The following RBPJ variants were observed in gnomAD, a reference collection of about 807,000 sequenced individuals.
The protein encoded by RBPJ is recombination signal binding protein for immunoglobulin kappa J region.
A neutral mutation model predicts 67.8 loss-of-function variants in RBPJ; 9 were observed. That is an observed-to-expected ratio of 0.13 (90% CI 0.08 to 0.23). RBPJ has a LOEUF of 0.23. RBPJ is among the 10% of genes least tolerant of loss of function. The probability of loss-of-function intolerance (pLI) is 1.00; values close to 1 mark genes in which losing one functional copy is unlikely to be tolerated. For synonymous variants in RBPJ, 198 were observed against 203.3 expected (o/e 0.97, Z 0.22); for missense variants, 305 against 595.6 (o/e 0.51, Z 5.08).
chr4:26,329,304 T>G (rs980727500), intron 1 of RBPJ, among the ~76,000 whole-genome samples: 1 of 152,050 alleles, frequency 6.6e-6, no homozygotes, highest in Non-Finnish European at 1.5e-5. Context: ...CATTGAGGGT[T>G]TTAAGATGAG....
rs1181695025 is a variant in RBPJ, at chr4:26,431,212, G to GAAAAAA, written c.*209_*214dup. 1 of 266,108 alleles carries GAAAAAA rather than the reference G, an allele frequency of 3.8e-6. No individual in the cohort carries two copies. Among genetic ancestry groups the GAAAAAA allele is most frequent in the African/African-American group, 3.5e-5 (1 of 28,690 alleles). The allele number at this position is 266,108 out of a possible 1,614,324, so 16.5% of individuals were successfully genotyped here. The stretch of plus-strand genomic sequence containing the variant: ...AAAAAAAAAAAAAAAAAAAAAAAAA[G>GAAAAAA]AAAAAAAAATCAAAATGTATAAATA... On this transcript the variant is annotated 3_prime_UTR_variant, in exon 11 of 11. Coordinates refer to ENST00000355476, the MANE Select transcript of RBPJ (RefSeq NM_015874.6).
At chr4:26,420,899 G>T in intron 5 of RBPJ, 174 bp downstream of exon 5, 1 of 555,500 alleles carries the variant, frequency 1.8e-6, no homozygotes. Context: ...GTGGTCTAAT[G>T]AAGCAGTTCT....
Position 26,420,844 on chromosome 4 carries a change from G to T in RBPJ, c.496+119G>T, listed in dbSNP as rs148775969. ...TTAATTCTTTACTAATATTTTTGTG[G>T]CCCTCTTTATTGTCTCTCTTTTTTT... On this transcript the variant is annotated intron_variant, in intron 5 of 10. Coordinates refer to ENST00000355476, the MANE Select transcript of RBPJ (RefSeq NM_015874.6). The T allele has an allele frequency of 2.3e-5, 18 of 783,722 alleles. No homozygotes were observed. In the African/African-American group the frequency reaches 3.0e-4, roughly 13 times the overall value. 48.5% of individuals were successfully genotyped at this position (783,722 alleles called of 1,614,324 possible).
At chr4:26,227,535 A>T (rs932797208) in intron 1 of RBPJ, among the ~76,000 whole-genome samples, 3 of 152,022 alleles carry the variant, frequency 2.0e-5, no homozygotes, top group African/African-American at 7.2e-5. Flanking sequence ...CTATATGAAG[A>T]TCTAAGTGAG....
chr4:26,160,095 T>C (rs537769760), upstream of RBPJ, among the ~76,000 whole-genome samples: 100 of 152,240 alleles, frequency 6.6e-4, no homozygotes, highest in African/African-American at 2.2e-3. Context: ...ATTTTTTGTA[T>C]TTTTAGTAGA....
intron 1 of RBPJ, among the ~76,000 whole-genome samples, chr4:26,372,777 A>G (rs1488996021): frequency 3.3e-5 from 5 of 152,206 alleles, no homozygotes; most frequent in Admixed American, 3.3e-4. Context: ...TAGAAGCATT[A>G]ATGAGCTTGT....
chr4:26,240,410 C>T (rs1719596971), intron 1 of RBPJ, among the ~76,000 whole-genome samples: 1 of 152,190 alleles, frequency 6.6e-6, no homozygotes, highest in African/African-American at 2.4e-5. Flanking sequence ...ATAACATTCA[C>T]ACAGTATGAA....
intron 1 of RBPJ, among the ~76,000 whole-genome samples, chr4:26,337,893 C>A (rs1408634372): frequency 6.6e-6 from 1 of 151,648 alleles, no homozygotes; most frequent in African/African-American, 2.4e-5. Context: ...CACCACGTTG[C>A]CCAGGCTGTC....
In RBPJ at chr4:26,430,112, C is replaced by G; in HGVS notation, c.1044+59C>G. ...CTTTGCAGCTACTCTCAGCTGTGAC[C>G]TGGCATCATTTCATTTCATGGGAGT... On this transcript the variant is annotated intron_variant, in intron 9 of 10. Coordinates refer to ENST00000355476, the MANE Select transcript of RBPJ (RefSeq NM_015874.6). The surrounding 1 kb of genome is among the most constrained non-coding windows in gnomAD (Gnocchi z 4.1). 1 of 1,559,786 alleles carries G rather than the reference C, an allele frequency of 6.4e-7. No individual in the cohort carries two copies. The highest frequency in any genetic ancestry group is 1.1e-5 in the South Asian group (1 of 89,936).
intron 1 of RBPJ, among the ~76,000 whole-genome samples, chr4:26,164,077 A>G (rs1716164428): frequency 6.6e-6 from 1 of 152,152 alleles, no homozygotes; most frequent in Non-Finnish European, 1.5e-5. Context: ...AGCTCCTCCA[A>G]AAATGCTTCT....
intron 1 of RBPJ, among the ~76,000 whole-genome samples, chr4:26,204,193 C>T (rs1252007325): frequency 6.6e-6 from 1 of 152,198 alleles, no homozygotes; most frequent in African/African-American, 2.4e-5. Context: ...AGTGATCCTT[C>T]CGCCTTGGCC....
chr4:26,191,008 C>T (rs1284747008), intron 1 of RBPJ, among the ~76,000 whole-genome samples: 2 of 150,534 alleles, frequency 1.3e-5, no homozygotes, highest in South Asian at 2.1e-4. Flanking sequence ...AAACAATAGC[C>T]AGGCATAGCA....
At position 26,431,950 on chromosome 4, in the gene RBPJ, A is replaced by G. The variant is rs1465192217; in HGVS notation, c.*943A>G. The G allele has an allele frequency of 6.6e-6, 1 of 152,178 alleles. No homozygotes were observed. Among genetic ancestry groups the G allele is most frequent in the Admixed American group, 6.5e-5 (1 of 15,268 alleles). The allele number at this position is 152,178 out of a possible 1,614,324, so 9.4% of individuals were successfully genotyped here. A position where few individuals can be genotyped will look rare whatever the true frequency, so the allele number is the denominator to read the frequency against. Reference sequence around the variant, plus strand: ...ATGGCGCAGAACTTGTTGATATTTGAAGTGTTCTCTCCCCTTTTCCCATGA... The same window carrying G: ...ATGGCGCAGAACTTGTTGATATTTGGAGTGTTCTCTCCCCTTTTCCCATGA... On this transcript the variant is annotated 3_prime_UTR_variant, in exon 11 of 11. Coordinates refer to ENST00000355476, the MANE Select transcript of RBPJ (RefSeq NM_015874.6).
At chr4:26,106,964 A>T in the RBPJ span, among the ~76,000 whole-genome samples, 2 of 152,190 alleles carry the variant, frequency 1.3e-5, no homozygotes, top group Non-Finnish European at 2.9e-5. Context: ...TTTTGAACTG[A>T]TGAGTTGCAA....
intron 1 of RBPJ, among the ~76,000 whole-genome samples, chr4:26,267,869 A>G (rs1047612412): frequency 1.3e-5 from 2 of 152,090 alleles, no homozygotes; most frequent in African/African-American, 2.4e-5. Context: ...CAGCCTCCCA[A>G]AGTGTTGGGA....
chr4:26,181,743 T>C (rs1376707558), intron 1 of RBPJ, among the ~76,000 whole-genome samples: 2 of 152,140 alleles, frequency 1.3e-5, no homozygotes, highest in African/African-American at 4.8e-5. Flanking sequence ...ATGGGAAGCA[T>C]TTGTGTATCT....
chr4:26,241,218 A>T (rs952435212), intron 1 of RBPJ, among the ~76,000 whole-genome samples: 1 of 152,000 alleles, frequency 6.6e-6, no homozygotes, highest in Non-Finnish European at 1.5e-5. Context: ...AAAAAAAAAA[A>T]AAAATTGAGC....
At chr4:26,408,582 T>C (rs1179055007) in intron 3 of RBPJ, among the ~76,000 whole-genome samples, 2 of 152,196 alleles carry the variant, frequency 1.3e-5, no homozygotes, top group African/African-American at 2.4e-5. Flanking sequence ...GTAGAAACAG[T>C]TTCATATTGG....
chr4:26,310,472 A>T (rs1722391454), intron 1 of RBPJ, among the ~76,000 whole-genome samples: 1 of 152,212 alleles, frequency 6.6e-6, no homozygotes, highest in Admixed American at 6.5e-5. Flanking sequence ...CAATCTGATA[A>T]CAAGAAACCT....
Sources: gnomAD v4.1 joint callset for allele counts (sites outside exome capture counted in the v4.1 genomes callset) on GRCh38, gnomAD v4.1.1 for gene constraint, Gnocchi (gnomAD v3.1) non-coding constraint, MANE v1.5 for transcripts, NCBI Gene and HGNC (gene_info 2026-07-23, HGNC 2026-07-21) for gene names.